TGM1: variants seen among roughly 807,000 people sequenced by gnomAD.
TGM1 encodes the protein transglutaminase 1.
TGM1 carries 63 observed loss-of-function variants against 88.7 expected under a neutral mutation model. That is an observed-to-expected ratio of 0.71 (90% CI 0.58 to 0.88). The LOEUF (loss-of-function observed/expected upper bound fraction) is 0.88, where lower values mean the gene tolerates loss of function less well. TGM1 is among the 40% of genes least tolerant of loss of function. The pLI is 0.00. For synonymous variants in TGM1, 415 were observed against 431.1 expected (o/e 0.96, Z 0.46); for missense variants, 996 against 1,118.0 (o/e 0.89, Z 1.56).
At chr14:24,258,501 C>A (rs2040776807) in intron 8 of TGM1, 34 bp downstream of exon 8, 1 of 1,454,548 alleles carries the variant, frequency 6.9e-7, no homozygotes, top group Admixed American at 1.8e-5. Flanking sequence ...GGTCACCATT[C>A]TTCAGCACAG....
chr14:24,249,513 G>A lies in TGM1; in HGVS notation c.2254C>T (p.Leu752=), dbSNP rs985569116. 32 of 1,614,148 alleles carry A rather than the reference G, an allele frequency of 2.0e-5. No homozygotes were observed. Among genetic ancestry groups the A allele is most frequent in the Non-Finnish European group, 2.6e-5 (31 of 1,180,010 alleles). Residue 752 remains leucine (L), a synonymous_variant, in exon 15 of 15, where the codon CTG becomes TTG. Coordinates refer to ENST00000206765, the MANE Select transcript of TGM1 (RefSeq NM_000359.3). The part of the protein sequence containing the change: ...GDIGGNETVT[L]RQSFVPVRPG... ...CGCACAGGCACAAACGACTGGCGCA[G>A]TGTCACTGTTTCATTGCCTCCAATG...
At chr14:24,260,368 C>T in intron 4 of TGM1, 82 bp downstream of exon 4, 1 of 1,587,072 alleles carries the variant, frequency 6.3e-7, no homozygotes, top group Non-Finnish European at 8.6e-7. Flanking sequence ...GGCACCTAGG[C>T]ACCCCGCCAC....
intron 3 of TGM1, 86 bp from the exon 4 acceptor site, chr14:24,260,784 A>G: frequency 6.4e-7 from 1 of 1,573,404 alleles, no homozygotes; most frequent in Non-Finnish European, 8.7e-7. Context: ...CCCACCCACA[A>G]TGTGTATGAG....
At position 24,258,311 on chromosome 14, in the gene TGM1, T is replaced by C; in HGVS notation, c.1376A>G (p.Asp459Gly). 6.2e-7 allele frequency: 1 copy of C among 1,613,748 alleles called. No individual in the cohort carries two copies. The highest frequency in any genetic ancestry group is 8.5e-7 in the Non-Finnish European group (1 of 1,179,830). ...ACTGCTAGTCTCTTGGGGTGTGGCA[T>C]CCACCACCTGCCACCCATCAAAGCC... Reference protein sequence around the residue: ...PSGFDGWQVVDATPQETSSGI... With the variant: ...PSGFDGWQVVGATPQETSSGI... Residue 459 changes from aspartate (D) to glycine (G), a missense_variant, in exon 9 of 15, where the codon GAT (aspartate) becomes GGT (glycine). Physicochemically the swap from Asp to Gly is moderately conservative, Grantham distance 94 (BLOSUM62 -1). Transcript: ENST00000206765.
Position 24,254,227 on chromosome 14 carries a change from A to T in TGM1, c.2150T>A (p.Leu717His). The part of the protein sequence containing the change: ...CEVQIVFKNP[L>H]PVTLTNVVFR... ...GACGACATTGGTGAGGGTGACGGGA[A>T]GGGGGTTCTTGAAGACAATCTGTAC... Residue 717 changes from leucine to histidine, a missense_variant, in exon 14 of 15, where the codon CTT becomes CAT. Physicochemically the swap from Leu to His is moderately conservative, Grantham distance 99 (BLOSUM62 -3). Transcript: ENST00000206765. The T allele has an allele frequency of 6.2e-7, 1 of 1,614,092 alleles. No individual in the cohort carries two copies. The highest frequency in any genetic ancestry group is 1.1e-5 in the South Asian group (1 of 91,064).
rs916175691 is a variant in TGM1, at chr14:24,254,027, A to G, written c.2225+125T>C. 3.5e-6 allele frequency: 5 copies of G among 1,420,324 alleles called. No individual in the cohort carries two copies. The Admixed American group carries it at 5.9e-5, about 17-fold the overall frequency. 88.0% of individuals were successfully genotyped at this position (1,420,324 alleles called of 1,614,324 possible). A position where few individuals can be genotyped will look rare whatever the true frequency, so the allele number is the denominator to read the frequency against. On this transcript the variant is annotated intron_variant, in intron 14 of 14. Transcript: ENST00000206765. ...CGGGAGGTATTGCTAGCTGGCCCCAACCTGCTTGGTTGGGTCCTGACAGAA... is the reference window on the plus strand; with the variant it reads ...CGGGAGGTATTGCTAGCTGGCCCCAGCCTGCTTGGTTGGGTCCTGACAGAA...
intron 7 of TGM1, 119 bp from the exon 8 acceptor site, chr14:24,258,792 G>A: frequency 1.4e-6 from 2 of 1,462,182 alleles, no homozygotes; most frequent in Non-Finnish European, 1.9e-6. Flanking sequence ...AGACTGCCAG[G>A]GTCAGGGCCA....
Position 24,255,391 on chromosome 14 carries a change from T to C in TGM1, c.1618A>G (p.Ile540Val). 1 of 1,614,184 alleles carries C rather than the reference T, an allele frequency of 6.2e-7. No individual in the cohort carries two copies. The highest frequency in any genetic ancestry group is 1.6e-4 in the Middle Eastern group (1 of 6,062). The change falls in exon 11 of 15, where the codon ATC (isoleucine) becomes GTC (valine). Residue 540 changes from isoleucine to valine, a missense_variant. Coordinates refer to ENST00000206765, the MANE Select transcript of TGM1 (RefSeq NM_000359.3). The surrounding 1 kb of genome is among the most constrained non-coding windows in gnomAD (Gnocchi z 4.0). The stretch of plus-strand genomic sequence containing the variant: ...TCTGGGTGCTTATAGAGGTAGGTGA[T>C]GTCCTCCCGCATGTTGGAGCTGATG... ...KAISSNMRED[I>V]TYLYKHPEGS...
rs1594571355 is a variant in TGM1 at position 24,259,369 on chromosome 14, G to A, written c.985-120C>T. 1 of 979,656 alleles carries A rather than the reference G, an allele frequency of 1.0e-6. No homozygotes were observed. Among genetic ancestry groups the A allele is most frequent in the East Asian group, 2.6e-5 (1 of 38,414 alleles). 60.7% of individuals were successfully genotyped at this position (979,656 alleles called of 1,614,324 possible). ...CCACCCCTTACCCCTAAATGCCTCA[G>A]GATCCAGACACCAGCCTGAGCTCCA... On this transcript the variant is annotated intron_variant, in intron 6 of 14. Transcript: ENST00000206765. This position sits in a 1 kb window ranked among gnomAD's most constrained non-coding sequence, Gnocchi z 5.7.
chr14:24,262,355 C>T lies in TGM1; in HGVS notation c.-2-1G>A, dbSNP rs776068111. 2 of 1,613,556 alleles carry T rather than the reference C, an allele frequency of 1.2e-6. No homozygotes were observed. Among genetic ancestry groups the T allele is most frequent in the Non-Finnish European group, 1.7e-6 (2 of 1,180,004 alleles). On this transcript the variant is annotated splice_acceptor_variant, in intron 1 of 14. Transcript: ENST00000206765. LOFTEE classifies it low-confidence loss of function (5UTR_SPLICE). ...TCGGAACGTGGCCCATCCATCATGC[C>T]TGTTAGGAAGAGGCAGGGTGGCTCC...
chr14:24,262,739 T>C (rs1217879655), intron 1 of TGM1, among the ~76,000 whole-genome samples: 1 of 152,210 alleles, frequency 6.6e-6, no homozygotes, highest in Non-Finnish European at 1.5e-5. Context: ...GTCCACCTGC[T>C]AGCTCTGCAG....
intron 14 of TGM1, among the ~76,000 whole-genome samples, chr14:24,253,064 G>A (rs575582273): frequency 1.2e-4 from 18 of 152,220 alleles, no homozygotes; most frequent in Non-Finnish European, 1.8e-4. Context: ...TCTCTCCTCT[G>A]GAACTGCTAC....
intron 13 of TGM1, 53 bp downstream of exon 13, chr14:24,254,611 C>G: frequency 1.2e-6 from 2 of 1,612,514 alleles, no homozygotes; most frequent in East Asian, 2.2e-5. Flanking sequence ...ATGTCCTTAT[C>G]CCCTGGCCTT....
At position 24,254,684 on chromosome 14, in the gene TGM1, T is replaced by A. The variant is rs775854698; in HGVS notation, c.2068A>T (p.Thr690Ser). 6.2e-7 allele frequency: 1 copy of A among 1,613,738 alleles called. No individual in the cohort carries two copies. The highest frequency in any genetic ancestry group is 2.2e-5 in the East Asian group (1 of 44,894). The change falls in exon 13 of 15, where the codon ACC becomes TCC. Residue 690 changes from threonine (T) to serine (S), a missense_variant. Transcript: ENST00000206765. ...TTCACCGTGAGGGAGAGGTCTGGGG[T>A]GCGCAGACGGAAGGTGTGCTGCTTG... ...LAKQHTFRLR[T>S]PDLSLTLLGA... is the part of the protein sequence containing the mutation.
intron 9 of TGM1, 66 bp from the exon 10 acceptor site, chr14:24,256,143 G>T: frequency 7.2e-7 from 1 of 1,382,134 alleles, no homozygotes; most frequent in Non-Finnish European, 1.0e-6. Context: ...CAGACCCTGG[G>T]TAAGGTCCAC....
rs994453944 is a variant in TGM1, at chr14:24,259,639, G to A, written c.984+65C>T. 2.2e-6 allele frequency: 3 copies of A among 1,346,456 alleles called. No individual in the cohort carries two copies. The highest frequency in any genetic ancestry group is 2.9e-5 in the African/African-American group (2 of 69,308). The allele number at this position is 1,346,456 out of a possible 1,614,324, so 83.4% of individuals were successfully genotyped here. ...GAGGAATCCAGAAAGGGCAGGAGGA[G>A]GGTGGGGGTGTGGCGAGGCAGCAGG... On this transcript the variant is annotated intron_variant, in intron 6 of 14. Transcript: ENST00000206765. This position sits in a 1 kb window ranked among gnomAD's most constrained non-coding sequence, Gnocchi z 5.7.
Position 24,259,654 on chromosome 14 carries a change from G to A in TGM1, c.984+50C>T, listed in dbSNP as rs372508001. The A allele has an allele frequency of 2.6e-4, 385 of 1,482,584 alleles. 1 individual carries two copies. Among genetic ancestry groups the A allele is most frequent in the Non-Finnish European group, 3.4e-4 (370 of 1,076,048 alleles). 91.8% of individuals were successfully genotyped at this position (1,482,584 alleles called of 1,614,324 possible). A position where few individuals can be genotyped will look rare whatever the true frequency, so the allele number is the denominator to read the frequency against. On this transcript the variant is annotated intron_variant, in intron 6 of 14. Transcript: ENST00000206765. This position sits in a 1 kb window ranked among gnomAD's most constrained non-coding sequence, Gnocchi z 5.7. ...GGCAGGAGGAGGGTGGGGGTGTGGCGAGGCAGCAGGCACACACACAGTAGG... is the reference window on the plus strand; with the variant it reads ...GGCAGGAGGAGGGTGGGGGTGTGGCAAGGCAGCAGGCACACACACAGTAGG...
chr14:24,254,594 A>G (rs1482143333), intron 13 of TGM1, 70 bp downstream of exon 13: 34 of 1,608,858 alleles, frequency 2.1e-5, no homozygotes, highest in Non-Finnish European at 2.8e-5. Context: ...CTTAGCGCCC[A>G]CCTCTGATGT....
chr14:24,261,995 C>T, intron 2 of TGM1, 39 bp downstream of exon 2: 1 of 1,612,152 alleles, frequency 6.2e-7, no homozygotes. Context: ...CCCATTAAAG[C>T]CTTTTAGCTC....
Sources: allele counts gnomAD v4.1 joint callset (sites outside exome capture counted in the v4.1 genomes callset), GRCh38; gene constraint gnomAD v4.1.1; non-coding constraint Gnocchi (gnomAD v3.1); transcripts MANE v1.5; gene names NCBI Gene and HGNC (gene_info 2026-07-23, HGNC 2026-07-21).